Variants in GPC5 observed in about 807,000 individuals in gnomAD.
The protein encoded by GPC5 is glypican 5.
A neutral mutation model predicts 53.9 loss-of-function variants in GPC5; 47 were observed. The observed-to-expected ratio is 0.87, with a 90% CI of 0.69 to 1.11. The LOEUF (loss-of-function observed/expected upper bound fraction) is 1.11. Among genes scored for constraint, GPC5 ranks in the 50% most tolerant of loss-of-function variants. GPC5 has a pLI of 0.00. For missense variants in GPC5, 748 were observed against 713.1 expected (o/e 1.05, Z -0.56); for synonymous variants, 286 against 263.3 (o/e 1.09, Z -0.84).
At chr13:92,690,326 A>G (rs1487983872) in intron 7 of GPC5, among the ~76,000 whole-genome samples, 2 of 90,732 alleles carry the variant, frequency 2.2e-5, no homozygotes, top group African/African-American at 4.8e-5. Context: ...TTCATCTTCC[A>G]TTGTTGATAC....
chr13:91,576,766 C>T (rs1378436024), intron 2 of GPC5, among the ~76,000 whole-genome samples: 2 of 152,108 alleles, frequency 1.3e-5, no homozygotes, highest in African/African-American at 4.8e-5. Flanking sequence ...ATCACAAAAG[C>T]AGGGAGGAAG....
At chr13:92,476,979 G>T (rs1879169696) in intron 7 of GPC5, among the ~76,000 whole-genome samples, 2 of 149,464 alleles carry the variant, frequency 1.3e-5, no homozygotes, top group Admixed American at 6.7e-5. Context: ...CACCAGCATG[G>T]CACGTGTATA....
chr13:91,815,054 A>G (rs2038379385), intron 5 of GPC5, among the ~76,000 whole-genome samples: 1 of 152,132 alleles, frequency 6.6e-6, no homozygotes, highest in Non-Finnish European at 1.5e-5. Flanking sequence ...TAGAATGACT[A>G]GGAAAGCTAC....
At chr13:91,789,686 T>C (rs1210768759) in intron 5 of GPC5, among the ~76,000 whole-genome samples, 1 of 152,208 alleles carries the variant, frequency 6.6e-6, no homozygotes, top group Non-Finnish European at 1.5e-5. Flanking sequence ...ATAAAAATTA[T>C]GTGTACCTGT....
At chr13:92,147,552 T>C (rs566480903) in intron 7 of GPC5, among the ~76,000 whole-genome samples, 1 of 152,228 alleles carries the variant, frequency 6.6e-6, no homozygotes, top group East Asian at 1.9e-4. Flanking sequence ...CAACTACTAA[T>C]AGTTTTCTTC....
chr13:92,838,397 T>G (rs2062310898), intron 7 of GPC5, among the ~76,000 whole-genome samples: 1 of 149,210 alleles, frequency 6.7e-6, no homozygotes, highest in African/African-American at 2.5e-5. Context: ...GGCAGGAGAA[T>G]GACGTGAACC....
At chr13:91,592,034 T>TC (rs1315825000) in intron 2 of GPC5, among the ~76,000 whole-genome samples, 2 of 152,212 alleles carry the variant, frequency 1.3e-5, no homozygotes, top group African/African-American at 4.8e-5. Context: ...GCCAGAGTTC[T>TC]TGCACTAATT....
chr13:91,659,126 A>G (rs1202599868), intron 2 of GPC5, among the ~76,000 whole-genome samples: 1 of 152,214 alleles, frequency 6.6e-6, no homozygotes, highest in African/African-American at 2.4e-5. Flanking sequence ...CAATCTGTCA[A>G]TCACAAAAAT....
At chr13:92,059,706 T>C (rs2041106381) in intron 6 of GPC5, 1 of 152,034 alleles carries the variant, frequency 6.6e-6, no homozygotes, top group Admixed American at 6.6e-5. Flanking sequence ...CTATAAATAG[T>C]ATTTAGAAAA....
chr13:91,706,119 T>A (rs949666701), intron 3 of GPC5, among the ~76,000 whole-genome samples: 5 of 152,076 alleles, frequency 3.3e-5, no homozygotes, highest in Admixed American at 6.6e-5. Context: ...GACCTCATGA[T>A]CCGCCCACCT....
chr13:92,264,073 ATT>A (rs1251131356), intron 7 of GPC5, among the ~76,000 whole-genome samples: 1 of 152,174 alleles, frequency 6.6e-6, no homozygotes, highest in Non-Finnish European at 1.5e-5. Flanking sequence ...AAACATAATT[ATT>A]TGTCATTTAA....
intron 7 of GPC5, among the ~76,000 whole-genome samples, chr13:92,482,852 T>C (rs997713349): frequency 5.3e-5 from 8 of 152,176 alleles, no homozygotes; most frequent in Admixed American, 4.6e-4. Context: ...ATGGGGATAC[T>C]GTATTAGTCT....
rs367677767 is a variant in GPC5 at position 92,023,665 on chromosome 13, G to GACACACACACAC, written c.1401+115627_1401+115638dup. Among the ~76,000 whole-genome samples the GACACACACACAC allele has an allele frequency of 6.0e-3, 850 of 141,158 alleles. 4 individuals carry two copies. Among genetic ancestry groups the GACACACACACAC allele is most frequent in the East Asian group, 0.02 (90 of 4,464 alleles). The allele number at this position is 141,158 out of a possible 152,430, so 92.6% of individuals were successfully genotyped here. ...TCCTTAAAAATCCTCCTTTGCTGAGGACACACACACACACACACACACACA... is the reference window on the plus strand; with the variant it reads ...TCCTTAAAAATCCTCCTTTGCTGAGGACACACACACACACACACACACACACACACACACACA... On this transcript the variant is annotated intron_variant, in intron 6 of 7. Transcript: ENST00000377067.
intron 2 of GPC5, among the ~76,000 whole-genome samples, chr13:91,673,793 T>C (rs989979253): frequency 2.0e-5 from 3 of 152,192 alleles, no homozygotes; most frequent in Admixed American, 2.0e-4. Context: ...TATAGAAACA[T>C]AATTTAATAT....
chr13:91,766,772 A>C (rs558175780), intron 5 of GPC5, among the ~76,000 whole-genome samples: 2 of 152,264 alleles, frequency 1.3e-5, no homozygotes, highest in East Asian at 3.9e-4. Context: ...AGGCAGGAAA[A>C]TTGCTTGAAC....
chr13:91,877,868 C>T (rs1327428578), intron 5 of GPC5, among the ~76,000 whole-genome samples: 1 of 152,136 alleles, frequency 6.6e-6, no homozygotes, highest in East Asian at 1.9e-4. Context: ...GTGGGAGGGA[C>T]CCAGGGAAAG....
intron 7 of GPC5, among the ~76,000 whole-genome samples, chr13:92,555,678 T>C (rs1252797265): frequency 6.7e-6 from 1 of 149,932 alleles, no homozygotes; most frequent in African/African-American, 2.4e-5. Flanking sequence ...TATAAGAATA[T>C]GGGCTTTTAG....
chr13:91,515,713 A>G (rs1023732293), intron 2 of GPC5, among the ~76,000 whole-genome samples: 4 of 152,188 alleles, frequency 2.6e-5, no homozygotes, highest in African/African-American at 9.7e-5. Flanking sequence ...CTTTGTTTGT[A>G]CTATGATATT....
At position 92,866,461 on chromosome 13, in the gene GPC5, T is replaced by C; in HGVS notation, c.*22T>C. On this transcript the variant is annotated 3_prime_UTR_variant, in exon 8 of 8. Transcript: ENST00000377067. ...GTAACTGAACTCTTCTGTCCTGACA[T>C]ACCTTACTGAAGTCTCGATTTCTTC... The C allele has an allele frequency of 3.2e-6, 5 of 1,558,174 alleles. No individual in the cohort carries two copies. The highest frequency in any genetic ancestry group is 4.4e-6 in the Non-Finnish European group (5 of 1,145,540).
Sources: allele counts gnomAD v4.1 joint callset (sites outside exome capture counted in the v4.1 genomes callset), GRCh38; gene constraint gnomAD v4.1.1; transcripts MANE v1.5; gene names NCBI Gene and HGNC (gene_info 2026-07-23, HGNC 2026-07-21).